The following SUPT3H variants were observed in gnomAD, a reference collection of about 807,000 sequenced individuals.
SUPT3H encodes SPT3 homolog, SAGA and STAGA complex component.
A neutral mutation model predicts 44.3 loss-of-function variants in SUPT3H; 44 were observed. That is an observed-to-expected ratio of 0.99 (90% CI 0.78 to 1.28). SUPT3H has a LOEUF of 1.28. SUPT3H is among the 50% of genes most tolerant of loss of function. The pLI is 0.00. For missense variants in SUPT3H, 380 were observed against 387.1 expected, an observed-to-expected ratio of 0.98 and a Z score of 0.15; for synonymous variants, 124 against 125.6, an observed-to-expected ratio of 0.99 and a Z score of 0.09.
rs189488498 is a variant in SUPT3H at position 44,991,179 on chromosome 6, T to C, written c.504+12474A>G. On this transcript the variant is annotated intron_variant, in intron 6 of 10. Transcript: ENST00000371459. ...TGAGATAAAATGCCCAAATTGTTAATACTTATTATTTATCTGAAAATTAAA... is the reference window on the plus strand; with the variant it reads ...TGAGATAAAATGCCCAAATTGTTAACACTTATTATTTATCTGAAAATTAAA... Among the ~76,000 whole-genome samples the C allele has an allele frequency of 2.0e-5, 3 of 152,266 alleles. No individual in the cohort carries two copies. The East Asian group carries it at 5.8e-4, about 29-fold the overall frequency.
intron 2 of SUPT3H, among the ~76,000 whole-genome samples, chr6:45,158,298 A>ATATATATTTTTTTTTTTTTT: frequency 1.0e-5 from 1 of 99,694 alleles, no homozygotes; most frequent in African/African-American, 5.0e-5. Flanking sequence ...ATATATATAT[A>ATATATATTTTTTTTTTTTTT]TTTTTTTTTT....
At chr6:45,214,415 G>T (rs2153632109) in intron 2 of SUPT3H, among the ~76,000 whole-genome samples, 1 of 150,568 alleles carries the variant, frequency 6.6e-6, no homozygotes, top group South Asian at 2.1e-4. Context: ...TTAAAGAAAA[G>T]AATTACATAC....
intron 3 of SUPT3H, among the ~76,000 whole-genome samples, chr6:45,038,842 ATTCATTAAATTATAC>A (rs934714634): frequency 1.3e-5 from 2 of 152,172 alleles, no homozygotes; most frequent in African/African-American, 4.8e-5. Context: ...TAATTTGGCA[ATTCATTAAATTATAC>A]TTTACTGGGT....
At chr6:44,971,348 T>C (rs1777540926) in intron 6 of SUPT3H, among the ~76,000 whole-genome samples, 1 of 152,164 alleles carries the variant, frequency 6.6e-6, no homozygotes, top group Non-Finnish European at 1.5e-5. Flanking sequence ...AAGGACTGCC[T>C]GAGACTGGGT....
intron 2 of SUPT3H, among the ~76,000 whole-genome samples, chr6:45,129,947 T>A (rs889777197): frequency 2.6e-5 from 4 of 152,154 alleles, no homozygotes; most frequent in Non-Finnish European, 4.4e-5. Context: ...TAATGATTGG[T>A]AAAAGCCACT....
chr6:44,884,411 G>C (rs573455061), intron 10 of SUPT3H, among the ~76,000 whole-genome samples: 1 of 152,180 alleles, frequency 6.6e-6, no homozygotes, highest in Non-Finnish European at 1.5e-5. Context: ...TGGTGGGAGT[G>C]TAAATCAGTT....
intron 6 of SUPT3H, among the ~76,000 whole-genome samples, chr6:44,966,182 T>G (rs1288797992): frequency 1.3e-5 from 2 of 152,138 alleles, no homozygotes; most frequent in Non-Finnish European, 2.9e-5. Context: ...CCCATTCTGA[T>G]CCATACTAAA....
At chr6:44,909,040 C>G (rs138171178) in intron 10 of SUPT3H, among the ~76,000 whole-genome samples, 2 of 151,876 alleles carry the variant, frequency 1.3e-5, no homozygotes. Flanking sequence ...TATATGTATA[C>G]ACATATAGCT....
At chr6:45,069,936 A>G (rs1287267754) in intron 3 of SUPT3H, among the ~76,000 whole-genome samples, 1 of 152,148 alleles carries the variant, frequency 6.6e-6, no homozygotes, top group Non-Finnish European at 1.5e-5. Flanking sequence ...AGCTGCGGGT[A>G]GCAGCATTTC....
intron 10 of SUPT3H, among the ~76,000 whole-genome samples, chr6:44,889,244 T>G (rs1283329188): frequency 6.6e-6 from 1 of 152,170 alleles, no homozygotes; most frequent in Non-Finnish European, 1.5e-5. Flanking sequence ...AATGACTTTC[T>G]TCACAGAATT....
At chr6:45,073,781 T>C (rs1266121180) in intron 3 of SUPT3H, among the ~76,000 whole-genome samples, 2 of 151,940 alleles carry the variant, frequency 1.3e-5, no homozygotes, top group Admixed American at 6.6e-5. Flanking sequence ...CTATCAGCTA[T>C]GAAAAGGGCA....
intron 10 of SUPT3H, among the ~76,000 whole-genome samples, chr6:44,916,285 T>C (rs1027217034): frequency 2.0e-5 from 3 of 152,220 alleles, no homozygotes; most frequent in Non-Finnish European, 4.4e-5. Flanking sequence ...AATCTAAAGC[T>C]TCCAACTTCA....
intron 11 of SUPT3H, among the ~76,000 whole-genome samples, chr6:44,810,797 T>G (rs542551433): frequency 6.6e-6 from 1 of 152,008 alleles, no homozygotes; most frequent in Non-Finnish European, 1.5e-5. Flanking sequence ...TCCCAGCTAC[T>G]TGGGAGGCTG....
intron 3 of SUPT3H, among the ~76,000 whole-genome samples, chr6:45,087,486 A>C (rs902918815): frequency 1.3e-5 from 2 of 151,850 alleles, no homozygotes; most frequent in African/African-American, 4.8e-5. Context: ...ATTTCAGATA[A>C]AGAGTTTTCT....
chr6:44,832,175 T>C (rs1261401702), intron 10 of SUPT3H, among the ~76,000 whole-genome samples: 1 of 152,126 alleles, frequency 6.6e-6, no homozygotes, highest in Non-Finnish European at 1.5e-5. Flanking sequence ...CTTTCCAGAA[T>C]AAGCAACTTT....
At chr6:45,070,284 T>G (rs1794169732) in intron 3 of SUPT3H, among the ~76,000 whole-genome samples, 1 of 152,120 alleles carries the variant, frequency 6.6e-6, no homozygotes, top group Non-Finnish European at 1.5e-5. Flanking sequence ...ACATTGAAAT[T>G]TATGAGAATT....
intron 10 of SUPT3H, among the ~76,000 whole-genome samples, chr6:44,861,498 C>T (rs1188869290): frequency 6.6e-6 from 1 of 151,742 alleles, no homozygotes; most frequent in Admixed American, 6.6e-5. Context: ...GCGATTCTCC[C>T]GCCTCAGCTT....
chr6:45,286,705 C>T (rs1273069779), intron 2 of SUPT3H, among the ~76,000 whole-genome samples: 1 of 152,160 alleles, frequency 6.6e-6, no homozygotes, highest in African/African-American at 2.4e-5. Flanking sequence ...GGATCTTGAA[C>T]TGGAAATACC....
chr6:44,819,990 A>G (rs1187603845), intron 11 of SUPT3H, among the ~76,000 whole-genome samples: 1 of 152,160 alleles, frequency 6.6e-6, no homozygotes, highest in Non-Finnish European at 1.5e-5. Flanking sequence ...TGGGAAGACA[A>G]GGTGGGCGGA....
Sources: gnomAD v4.1 joint callset for allele counts (sites outside exome capture counted in the v4.1 genomes callset) on GRCh38, gnomAD v4.1.1 for gene constraint, MANE v1.5 for transcripts, NCBI Gene and HGNC (gene_info 2026-07-23, HGNC 2026-07-21) for gene names.